The following SCHIP1 variants were observed in gnomAD, a reference collection of about 807,000 sequenced individuals.
SCHIP1 encodes the protein schwannomin-interacting protein 1.
A neutral mutation model predicts 29.7 loss-of-function variants in SCHIP1; 8 were observed. That is an observed-to-expected ratio of 0.27 (90% CI 0.16 to 0.49). SCHIP1 has a LOEUF of 0.49. Ranked by LOEUF, SCHIP1 falls within the 20% of genes least tolerant of loss-of-function variation. The pLI is 0.99. For synonymous variants in SCHIP1, 76 were observed against 94.9 expected, an observed-to-expected ratio of 0.80 and a Z score of 1.16; for missense variants, 193 against 294.6, an observed-to-expected ratio of 0.66 and a Z score of 2.52.
At chr3:159,344,750 A>G in the SCHIP1 span, among the ~76,000 whole-genome samples, 1 of 152,240 alleles carries the variant, frequency 6.6e-6, no homozygotes, top group African/African-American at 2.4e-5. Context: ...AAAGTTCATT[A>G]ACTAAAAGCT....
chr3:159,649,601 G>T, the SCHIP1 span, among the ~76,000 whole-genome samples: 2 of 152,032 alleles, frequency 1.3e-5, no homozygotes, highest in African/African-American at 4.8e-5. Flanking sequence ...ACTAATTGAA[G>T]AATCAAATCT....
chr3:159,378,652 C>T, the SCHIP1 span, among the ~76,000 whole-genome samples: 1 of 152,202 alleles, frequency 6.6e-6, no homozygotes, highest in African/African-American at 2.4e-5. Context: ...CGGTATAGCA[C>T]TCTCAGGAAG....
chr3:159,378,482 T>A, the SCHIP1 span, among the ~76,000 whole-genome samples: 1 of 152,238 alleles, frequency 6.6e-6, no homozygotes, highest in Non-Finnish European at 1.5e-5. Context: ...ATTTGGGATC[T>A]GTTAAATCTC....
the SCHIP1 span, among the ~76,000 whole-genome samples, chr3:159,443,533 G>A: frequency 6.6e-5 from 10 of 151,624 alleles, no homozygotes; most frequent in Admixed American, 1.3e-4. Context: ...TTTTTGAGAC[G>A]GAGTCTTGCT....
At chr3:159,808,912 G>C in the SCHIP1 span, among the ~76,000 whole-genome samples, 1 of 151,782 alleles carries the variant, frequency 6.6e-6, no homozygotes, top group Non-Finnish European at 1.5e-5. Flanking sequence ...AGCTGAGATG[G>C]CGCCATTGCA....
chr3:159,311,564 A>G, the SCHIP1 span, among the ~76,000 whole-genome samples: 7 of 152,154 alleles, frequency 4.6e-5, no homozygotes, highest in Admixed American at 4.6e-4. Context: ...GCAACACTCA[A>G]TATTGCAATA....
the SCHIP1 span, among the ~76,000 whole-genome samples, chr3:159,363,997 G>A: frequency 6.6e-6 from 1 of 152,120 alleles, no homozygotes; most frequent in Non-Finnish European, 1.5e-5. Flanking sequence ...TTCTAAAATA[G>A]CAAACTTTCT....
At chr3:159,839,077 T>A (rs1743953210), upstream of SCHIP1, among the ~76,000 whole-genome samples, 3 of 152,100 alleles carry the variant, frequency 2.0e-5, no homozygotes, top group Admixed American at 2.0e-4. Flanking sequence ...AGTCCTGAAG[T>A]GGCCCTGAAG....
In SCHIP1 at chr3:159,886,191, G is replaced by C; in HGVS notation, c.150-16G>C. On this transcript the variant is annotated splice_polypyrimidine_tract_variant and intron_variant, in intron 2 of 6. Transcript: ENST00000445224. ...AACAGCTAAGTAGAACTAGTGTCCT[G>C]TTTGTTTCTGCCCAGACTGCAGAGT... is the stretch of plus-strand genomic sequence containing the variant. 3.1e-6 allele frequency: 5 copies of C among 1,613,852 alleles called. No individual in the cohort carries two copies. The highest frequency in any genetic ancestry group is 4.2e-6 in the Non-Finnish European group (5 of 1,179,782).
chr3:159,791,527 G>T, the SCHIP1 span, among the ~76,000 whole-genome samples: 2 of 152,194 alleles, frequency 1.3e-5, no homozygotes, highest in African/African-American at 2.4e-5. Flanking sequence ...CACAGCAGGG[G>T]TGCCCAAGGG....
At chr3:159,556,714 A>G in the SCHIP1 span, among the ~76,000 whole-genome samples, 1 of 143,552 alleles carries the variant, frequency 7.0e-6, no homozygotes, top group African/African-American at 2.6e-5. Context: ...TGGGAATTGA[A>G]CAATGAGAAC....
At chr3:159,780,989 C>CCTT in the SCHIP1 span, among the ~76,000 whole-genome samples, 1 of 152,310 alleles carries the variant, frequency 6.6e-6, no homozygotes, top group African/African-American at 2.4e-5. Flanking sequence ...ATCAGATCAT[C>CCTT]ATCTCCTTAT....
At chr3:159,575,566 G>C in the SCHIP1 span, among the ~76,000 whole-genome samples, 1 of 152,012 alleles carries the variant, frequency 6.6e-6, no homozygotes, top group Non-Finnish European at 1.5e-5. Context: ...CTCCCAAATA[G>C]CTGGGACTAC....
At chr3:159,869,745 T>G (rs1715045577) in intron 2 of SCHIP1, among the ~76,000 whole-genome samples, 1 of 151,912 alleles carries the variant, frequency 6.6e-6, no homozygotes, top group African/African-American at 2.4e-5. Context: ...AACAAAATAC[T>G]CTCTTGGAAT....
the SCHIP1 span, among the ~76,000 whole-genome samples, chr3:159,416,052 C>A: frequency 6.6e-6 from 1 of 152,158 alleles, no homozygotes; most frequent in African/African-American, 2.4e-5. Context: ...TGATGGCCTC[C>A]AGGATTTCGC....
chr3:159,878,296 G>C (rs1462353060), intron 2 of SCHIP1, among the ~76,000 whole-genome samples: 1 of 151,818 alleles, frequency 6.6e-6, no homozygotes, highest in Non-Finnish European at 1.5e-5. Flanking sequence ...TGGCCAACAT[G>C]GTGAAACCCT....
At chr3:159,596,850 T>A in the SCHIP1 span, among the ~76,000 whole-genome samples, 3 of 151,804 alleles carry the variant, frequency 2.0e-5, no homozygotes, top group African/African-American at 7.3e-5. Flanking sequence ...CTAATGTAAA[T>A]GACGAGTTAA....
chr3:159,814,584 G>A, the SCHIP1 span, among the ~76,000 whole-genome samples: 2 of 152,244 alleles, frequency 1.3e-5, no homozygotes, highest in African/African-American at 2.4e-5. Context: ...CCCTGATGGG[G>A]AGCCCCCAGA....
the SCHIP1 span, among the ~76,000 whole-genome samples, chr3:159,727,894 C>T: frequency 6.6e-6 from 1 of 151,382 alleles, no homozygotes; most frequent in African/African-American, 2.4e-5. Context: ...CCTGTTTCTG[C>T]TCTTTCAGGC....
Sources: gnomAD v4.1 joint callset for allele counts (sites outside exome capture counted in the v4.1 genomes callset) on GRCh38, gnomAD v4.1.1 for gene constraint, MANE v1.5 for transcripts, NCBI Gene and HGNC (gene_info 2026-07-23, HGNC 2026-07-21) for gene names.